MACROD2: variants seen among roughly 807,000 people sequenced by gnomAD.
MACROD2 encodes the protein ADP-ribose glycohydrolase MACROD2.
Under a neutral mutation model 70.4 loss-of-function variants are expected in MACROD2, and 36 were observed. The observed-to-expected ratio is 0.51, with a 90% CI of 0.39 to 0.68. The LOEUF is 0.68. Ranked by LOEUF, MACROD2 falls within the 30% of genes least tolerant of loss-of-function variation. MACROD2 has a pLI of 0.00. For missense variants in MACROD2, 496 were observed against 538.4 expected (o/e 0.92, Z 0.78); for synonymous variants, 172 against 178.8 (o/e 0.96, Z 0.30).
intron 2 of MACROD2, among the ~76,000 whole-genome samples, chr20:14,067,364 G>A (rs992016651): frequency 3.3e-5 from 5 of 151,968 alleles, no homozygotes; most frequent in African/African-American, 1.2e-4. Flanking sequence ...CTCATGATCT[G>A]CCCGCCTGGG....
At chr20:14,969,161 T>A (rs1024882426) in intron 5 of MACROD2, among the ~76,000 whole-genome samples, 43 of 147,744 alleles carry the variant, frequency 2.9e-4, no homozygotes, top group African/African-American at 1.1e-3. Context: ...TATCTCCAGT[T>A]TATATATATA....
At chr20:14,642,009 C>T (rs541770722) in intron 4 of MACROD2, among the ~76,000 whole-genome samples, 124 of 152,308 alleles carry the variant, frequency 8.1e-4, no homozygotes, top group Non-Finnish European at 1.5e-3. Flanking sequence ...GTATCTTCTT[C>T]CAATAGAAGG....
rs374161251 is a variant in MACROD2 at position 14,327,205 on chromosome 20, T to G, written c.272-166274T>G. ...TAACTCTTTTACATACTTTGGGAGG[T>G]TGGTAGGAAATTCATCTAAACTGTT... On this transcript the variant is annotated intron_variant, in intron 3 of 17. Coordinates refer to ENST00000684519, the MANE Select transcript of MACROD2 (RefSeq NM_001351661.2). 1.9e-6 allele frequency: 3 copies of G among 1,613,674 alleles called. No homozygotes were observed. The South Asian group carries it at 3.3e-5, about 18-fold the overall frequency.
intron 4 of MACROD2, among the ~76,000 whole-genome samples, chr20:14,507,827 A>G (rs901382596): frequency 6.6e-6 from 1 of 152,108 alleles, no homozygotes; most frequent in Non-Finnish European, 1.5e-5. Context: ...TTGTTTTTCT[A>G]TGATTGAGTG....
intron 5 of MACROD2, among the ~76,000 whole-genome samples, chr20:14,853,173 C>CTGTATGTGTGTGTG (rs35279137): frequency 0.29 from 43,178 of 149,206 alleles, 7,258 homozygotes; most frequent in Non-Finnish European, 0.39. Context: ...GTGTGTGTGT[C>CTGTATGTGTGTGTG]TGTGTGTGTG....
At chr20:15,207,666 C>T (rs1047186784) in intron 5 of MACROD2, among the ~76,000 whole-genome samples, 1 of 151,720 alleles carries the variant, frequency 6.6e-6, no homozygotes. Flanking sequence ...TGGTCTCAAA[C>T]TCCTGACCTC....
intron 9 of MACROD2, among the ~76,000 whole-genome samples, chr20:15,872,557 A>G (rs2147183848): frequency 6.6e-6 from 1 of 152,344 alleles, no homozygotes; most frequent in African/African-American, 2.4e-5. Flanking sequence ...GTGCAAACAT[A>G]CTAATGGACC....
At chr20:15,954,753 A>G (rs926164371) in intron 12 of MACROD2, among the ~76,000 whole-genome samples, 7 of 152,216 alleles carry the variant, frequency 4.6e-5, no homozygotes, top group African/African-American at 1.7e-4. Context: ...TGAGATATAC[A>G]AGCATGTGCT....
At chr20:15,823,240 A>C (rs757633560) in intron 8 of MACROD2, among the ~76,000 whole-genome samples, 3 of 152,006 alleles carry the variant, frequency 2.0e-5, no homozygotes, top group Non-Finnish European at 2.9e-5. Context: ...CTAAGGAAAG[A>C]CAGGAAAATA....
chr20:14,855,377 C>A (rs2122330869), intron 5 of MACROD2, among the ~76,000 whole-genome samples: 1 of 152,258 alleles, frequency 6.6e-6, no homozygotes, highest in South Asian at 2.1e-4. Flanking sequence ...TGCCAGGACC[C>A]CATCCAAGTC....
chr20:15,852,374 A>C (rs1239374978), intron 8 of MACROD2, among the ~76,000 whole-genome samples: 2 of 152,234 alleles, frequency 1.3e-5, no homozygotes, highest in South Asian at 4.1e-4. Context: ...AAAGCCCCCC[A>C]AAATAAAGGA....
intron 3 of MACROD2, among the ~76,000 whole-genome samples, chr20:14,242,116 C>T (rs892797524): frequency 2.6e-5 from 4 of 151,998 alleles, no homozygotes; most frequent in African/African-American, 7.2e-5. Flanking sequence ...GTTCTCTGTT[C>T]ATTTGGGTTA....
chr20:15,745,779 C>T (rs1376635090), intron 8 of MACROD2, among the ~76,000 whole-genome samples: 5 of 151,980 alleles, frequency 3.3e-5, no homozygotes, highest in Admixed American at 6.6e-5. Context: ...ATAGCTATTC[C>T]GTTTTTTCCA....
chr20:15,602,037 AAGAACTT>A (rs984580076), intron 8 of MACROD2, among the ~76,000 whole-genome samples: 29 of 152,166 alleles, frequency 1.9e-4, no homozygotes, highest in Admixed American at 9.8e-4. Context: ...CAAAAAAAAA[AAGAACTT>A]GAACTGTTTC....
intron 5 of MACROD2, among the ~76,000 whole-genome samples, chr20:15,085,227 A>G (rs1202922586): frequency 6.6e-6 from 1 of 152,124 alleles, no homozygotes; most frequent in Non-Finnish European, 1.5e-5. Context: ...CACATCATAT[A>G]TAAAAATTAA....
At chr20:14,202,008 C>CTA (rs1414754693) in intron 3 of MACROD2, among the ~76,000 whole-genome samples, 1 of 151,870 alleles carries the variant, frequency 6.6e-6, no homozygotes, top group African/African-American at 2.4e-5. Context: ...AAATATTGGA[C>CTA]TATAATACTG....
At chr20:15,764,470 G>A (rs2051490080) in intron 8 of MACROD2, among the ~76,000 whole-genome samples, 1 of 152,024 alleles carries the variant, frequency 6.6e-6, no homozygotes, top group Non-Finnish European at 1.5e-5. Flanking sequence ...AACCTGTTTT[G>A]CCCAGCCTTT....
chr20:14,023,175 A>G (rs891531416), intron 2 of MACROD2, among the ~76,000 whole-genome samples: 7 of 152,062 alleles, frequency 4.6e-5, no homozygotes. Flanking sequence ...GCTTTTTTTC[A>G]TATGTATGTT....
At chr20:14,718,682 C>T (rs1048185922) in intron 5 of MACROD2, among the ~76,000 whole-genome samples, 1 of 152,108 alleles carries the variant, frequency 6.6e-6, no homozygotes, top group Non-Finnish European at 1.5e-5. Flanking sequence ...CAGCCTGAAA[C>T]AGTCATCCTT....
Sources: allele counts gnomAD v4.1 joint callset (sites outside exome capture counted in the v4.1 genomes callset), GRCh38; gene constraint gnomAD v4.1.1; transcripts MANE v1.5; gene names NCBI Gene and HGNC (gene_info 2026-07-23, HGNC 2026-07-21).